Variants in EYS observed in about 807,000 individuals in gnomAD.
EYS encodes the protein protein eyes shut homolog.
A neutral mutation model predicts 282.1 loss-of-function variants in EYS; 250 were observed. The observed-to-expected ratio is 0.89, with a 90% CI of 0.80 to 0.98. The LOEUF is 0.98. Among genes scored for constraint, EYS ranks in the 50% least tolerant of loss-of-function variants. The probability of loss-of-function intolerance (pLI) is 0.00; values close to 1 mark genes in which losing one functional copy is unlikely to be tolerated. For synonymous variants in EYS, 1,355 were observed against 1,282.9 expected, an observed-to-expected ratio of 1.06 and a Z score of -1.20; for missense variants, 4,016 against 3,709.0, an observed-to-expected ratio of 1.08 and a Z score of -2.15.
At chr6:63,906,335 C>T (rs1773778917) in intron 35 of EYS, among the ~76,000 whole-genome samples, 1 of 152,196 alleles carries the variant, frequency 6.6e-6, no homozygotes, top group African/African-American at 2.4e-5. Context: ...CAAATTACGG[C>T]ACCTATTATG....
At chr6:65,039,906 A>C (rs999940295) in intron 13 of EYS, among the ~76,000 whole-genome samples, 10 of 151,620 alleles carry the variant, frequency 6.6e-5, no homozygotes, top group Non-Finnish European at 5.9e-5. Flanking sequence ...AAATAAAATA[A>C]ATATTACCTC....
chr6:65,546,468 TAAATG>T (rs1052415461), intron 2 of EYS, among the ~76,000 whole-genome samples: 1 of 152,210 alleles, frequency 6.6e-6, no homozygotes, highest in Non-Finnish European at 1.5e-5. Flanking sequence ...AATGTGAATA[TAAATG>T]AAATAAGTCA....
chr6:63,748,804 T>C (rs947651044), intron 41 of EYS, among the ~76,000 whole-genome samples: 1 of 152,166 alleles, frequency 6.6e-6, no homozygotes, highest in Admixed American at 6.5e-5. Context: ...CTGATGATTA[T>C]TTGTATTTCT....
chr6:64,746,354 T>C (rs1189670932), intron 22 of EYS, among the ~76,000 whole-genome samples: 2 of 152,042 alleles, frequency 1.3e-5, no homozygotes, highest in African/African-American at 2.4e-5. Context: ...GCCTTCTCTT[T>C]GCCCTTCACC....
At chr6:65,676,104 C>T (rs910624557) in intron 1 of EYS, among the ~76,000 whole-genome samples, 6 of 151,650 alleles carry the variant, frequency 4.0e-5, no homozygotes, top group Admixed American at 6.6e-5. Flanking sequence ...AGAACTTCAT[C>T]GTGATAAACA....
chr6:64,476,300 C>G (rs1447674966), intron 26 of EYS, among the ~76,000 whole-genome samples: 1 of 152,072 alleles, frequency 6.6e-6, no homozygotes, highest in Non-Finnish European at 1.5e-5. Flanking sequence ...AGTCACATTT[C>G]AGATGCTCCC....
chr6:64,996,263 T>A (rs895216627), intron 14 of EYS, among the ~76,000 whole-genome samples: 2 of 152,122 alleles, frequency 1.3e-5, no homozygotes, highest in Non-Finnish European at 2.9e-5. Context: ...GGACACTCAC[T>A]AATAATAGAC....
At chr6:64,019,641 C>T (rs948093163) in intron 33 of EYS, among the ~76,000 whole-genome samples, 1 of 151,674 alleles carries the variant, frequency 6.6e-6, no homozygotes, top group African/African-American at 2.4e-5. Flanking sequence ...GAACTCCTGA[C>T]CTTGTGATCT....
intron 14 of EYS, among the ~76,000 whole-genome samples, chr6:64,994,601 C>T (rs1771183966): frequency 6.6e-6 from 1 of 151,980 alleles, no homozygotes; most frequent in African/African-American, 2.4e-5. Flanking sequence ...AACTCTGTGC[C>T]TTTCTAATTT....
At chr6:65,118,264 C>A (rs140694807) in intron 12 of EYS, among the ~76,000 whole-genome samples, 1 of 152,228 alleles carries the variant, frequency 6.6e-6, no homozygotes, top group East Asian at 1.9e-4. Context: ...GAGATGTGGG[C>A]TGGGCCTTTT....
chr6:64,045,849 G>A (rs956184369), intron 33 of EYS, among the ~76,000 whole-genome samples: 1 of 144,904 alleles, frequency 6.9e-6, no homozygotes, highest in African/African-American at 2.5e-5. Context: ...ATAGATATGT[G>A]TCATGTAATA....
chr6:64,470,991 C>T (rs1437662682), intron 26 of EYS, among the ~76,000 whole-genome samples: 1 of 152,088 alleles, frequency 6.6e-6, no homozygotes, highest in Non-Finnish European at 1.5e-5. Context: ...GAAGGATCCC[C>T]AAATAGACTC....
intron 12 of EYS, among the ~76,000 whole-genome samples, chr6:65,211,392 A>T (rs983901626): frequency 6.6e-6 from 1 of 152,076 alleles, no homozygotes; most frequent in Admixed American, 6.6e-5. Context: ...CTAGCTTTCT[A>T]TCTGAGACAT....
intron 2 of EYS, among the ~76,000 whole-genome samples, chr6:65,622,458 T>C (rs983430077): frequency 6.6e-6 from 1 of 152,016 alleles, no homozygotes; most frequent in African/African-American, 2.4e-5. Context: ...ATATTATCAT[T>C]ATTAAAATAA....
intron 31 of EYS, among the ~76,000 whole-genome samples, chr6:64,151,994 A>G (rs1319748114): frequency 1.3e-5 from 2 of 152,036 alleles, no homozygotes; most frequent in Non-Finnish European, 2.9e-5. Flanking sequence ...CCTTTCCTAG[A>G]GCTGAATGAT....
At chr6:65,062,294 G>C (rs1773600520) in intron 12 of EYS, among the ~76,000 whole-genome samples, 1 of 151,852 alleles carries the variant, frequency 6.6e-6, no homozygotes, top group African/African-American at 2.4e-5. Flanking sequence ...AAACCCAAGA[G>C]TTATTCTTTA....
intron 22 of EYS, among the ~76,000 whole-genome samples, chr6:64,745,687 A>T (rs1161333718): frequency 6.6e-6 from 1 of 152,188 alleles, no homozygotes; most frequent in Non-Finnish European, 1.5e-5. Context: ...GTAATCCAGA[A>T]AAATGGTACC....
intron 12 of EYS, among the ~76,000 whole-genome samples, chr6:65,131,533 T>C (rs917078013): frequency 2.0e-5 from 3 of 151,994 alleles, no homozygotes; most frequent in Non-Finnish European, 4.4e-5. Flanking sequence ...TTGAAACTAA[T>C]GAGAACAAAG....
chr6:65,087,654 A>G (rs924732801), intron 12 of EYS, among the ~76,000 whole-genome samples: 1 of 152,200 alleles, frequency 6.6e-6, no homozygotes, highest in African/African-American at 2.4e-5. Context: ...GCCATGGGCC[A>G]GAATACACAC....
Sources: gnomAD v4.1 joint callset for allele counts (sites outside exome capture counted in the v4.1 genomes callset) on GRCh38, gnomAD v4.1.1 for gene constraint, MANE v1.5 for transcripts, NCBI Gene and HGNC (gene_info 2026-07-23, HGNC 2026-07-21) for gene names.